Variants in CPM observed in about 807,000 individuals in gnomAD.
CPM encodes carboxypeptidase M.
In CPM, 35 loss-of-function variants were observed where a neutral mutation model predicts 46.4. The observed-to-expected ratio is 0.75, with a 90% CI of 0.58 to 1.00. The LOEUF is 1.00. Ranked by LOEUF, CPM falls within the 50% of genes least tolerant of loss-of-function variation. The pLI is 0.00. For missense variants in CPM, 422 were observed against 530.4 expected, an observed-to-expected ratio of 0.80 and a Z score of 2.01; for synonymous variants, 195 against 195.3, an observed-to-expected ratio of 1.00 and a Z score of 0.01.
chr12:68,910,656 AT>A (rs1275086028), intron 2 of CPM, among the ~76,000 whole-genome samples: 1 of 152,214 alleles, frequency 6.6e-6, no homozygotes, highest in Non-Finnish European at 1.5e-5. Context: ...TTTTTTTAAA[AT>A]ATGGCAAAAC....
chr12:68,911,607 C>T (rs1887597117), intron 2 of CPM, among the ~76,000 whole-genome samples: 1 of 152,186 alleles, frequency 6.6e-6, no homozygotes, highest in Non-Finnish European at 1.5e-5. Context: ...AAACACAAAG[C>T]ATATGGCAGG....
At chr12:68,917,267 C>T (rs1210842966) in intron 2 of CPM, among the ~76,000 whole-genome samples, 1 of 152,124 alleles carries the variant, frequency 6.6e-6, no homozygotes, top group Non-Finnish European at 1.5e-5. Flanking sequence ...GTCATATTCT[C>T]GCACACAGCT....
At chr12:68,905,832 T>C (rs916448193) in intron 2 of CPM, among the ~76,000 whole-genome samples, 6 of 152,168 alleles carry the variant, frequency 3.9e-5, no homozygotes, top group African/African-American at 1.4e-4. Context: ...AGTCCCTGTG[T>C]CCACCCACCA....
chr12:68,873,211 G>A (rs974892002), intron 3 of CPM, among the ~76,000 whole-genome samples: 1 of 152,168 alleles, frequency 6.6e-6, no homozygotes, highest in African/African-American at 2.4e-5. Context: ...AGATTTCATG[G>A]AGCCTCAGAA....
chr12:68,869,580 G>A (rs375986708), intron 5 of CPM, 85 bp from the exon 6 acceptor site: 11 of 1,203,034 alleles, frequency 9.1e-6, no homozygotes, highest in African/African-American at 6.1e-5. Context: ...AGACATAATC[G>A]CATCACACAC....
At chr12:68,876,905 T>C (rs925716224) in intron 3 of CPM, among the ~76,000 whole-genome samples, 11 of 119,574 alleles carry the variant, frequency 9.2e-5, no homozygotes, top group African/African-American at 3.0e-4. Context: ...TGTGTGTGTG[T>C]GTGTGTGTGT....
At chr12:68,846,101 C>T (rs1884275985) in intron 5 of CPM, 1 of 152,084 alleles carries the variant, frequency 6.6e-6, no homozygotes, top group Admixed American at 6.6e-5. Flanking sequence ...TAGGTGCTCG[C>T]CAACCACACC....
At chr12:68,950,682 T>C (rs1460638343) in intron 1 of CPM, among the ~76,000 whole-genome samples, 2 of 152,206 alleles carry the variant, frequency 1.3e-5, no homozygotes, top group Non-Finnish European at 2.9e-5. Flanking sequence ...CCAGCCCTTA[T>C]AGAGCCTGCC....
intron 7 of CPM, among the ~76,000 whole-genome samples, chr12:68,864,118 TAG>T (rs1885326651): frequency 6.6e-6 from 1 of 152,252 alleles, no homozygotes; most frequent in Non-Finnish European, 1.5e-5. Flanking sequence ...CATCTGATTA[TAG>T]AGACAGGCAG....
intron 2 of CPM, among the ~76,000 whole-genome samples, chr12:68,910,822 A>C (rs2136291908): frequency 6.6e-6 from 1 of 152,306 alleles, no homozygotes; most frequent in East Asian, 1.9e-4. Flanking sequence ...TGATTCTATA[A>C]GATAGAAAGC....
At chr12:68,949,855 C>G (rs1888907428) in intron 1 of CPM, among the ~76,000 whole-genome samples, 1 of 152,202 alleles carries the variant, frequency 6.6e-6, no homozygotes, top group Admixed American at 6.5e-5. Context: ...ATTTCATAAT[C>G]AGTGTTGCAT....
chr12:68,928,820 G>A (rs1179720929), intron 2 of CPM, among the ~76,000 whole-genome samples: 7 of 151,450 alleles, frequency 4.6e-5, no homozygotes, highest in Non-Finnish European at 8.8e-5. Flanking sequence ...GCCCACTGCA[G>A]CCTTGAACTC....
chr12:68,941,179 G>A (rs1288483559), intron 1 of CPM, among the ~76,000 whole-genome samples: 7 of 148,478 alleles, frequency 4.7e-5, no homozygotes, highest in Non-Finnish European at 1.1e-4. Context: ...ACGTGTGTGT[G>A]TGTGTGTGTG....
intron 1 of CPM, among the ~76,000 whole-genome samples, chr12:68,962,780 G>A (rs571053384): frequency 1.8e-4 from 28 of 152,294 alleles, no homozygotes; most frequent in African/African-American, 6.7e-4. Flanking sequence ...GGCTTAACCT[G>A]CACGATAAAA....
chr12:68,930,168 C>A (rs549710182), intron 2 of CPM, among the ~76,000 whole-genome samples: 3 of 152,214 alleles, frequency 2.0e-5, no homozygotes, highest in African/African-American at 7.2e-5. Context: ...GCAACCTCTG[C>A]CTCCTGGGTT....
rs1215821885 is a variant in CPM, at chr12:68,856,214, T to G, written c.*223A>C. 1 of 545,250 alleles carries G rather than the reference T, an allele frequency of 1.8e-6. No homozygotes were observed. The highest frequency in any genetic ancestry group is 1.9e-5 in the African/African-American group (1 of 53,290). The allele number at this position is 545,250 out of a possible 1,614,324, so 33.8% of individuals were successfully genotyped here. ...AATTTGAGTGTAAATGAGCAGTACT[T>G]GTTAGGTAAGTGTCTTCCATTCACC... On this transcript the variant is annotated 3_prime_UTR_variant, in exon 9 of 9. Coordinates refer to ENST00000551568, the MANE Select transcript of CPM (RefSeq NM_198320.5).
chr12:68,867,655 T>A (rs1162683632), intron 6 of CPM, among the ~76,000 whole-genome samples: 1 of 151,960 alleles, frequency 6.6e-6, no homozygotes, highest in Non-Finnish European at 1.5e-5. Context: ...GACACTGGAG[T>A]GCAGGCCACC....
chr12:68,957,277 A>G (rs1889036125), intron 1 of CPM: 1 of 153,788 alleles, frequency 6.5e-6, no homozygotes, highest in African/African-American at 2.4e-5. Flanking sequence ...CCTGTATTCC[A>G]GAAATGGTGT....
chr12:68,895,717 C>T (rs546256669), intron 2 of CPM, among the ~76,000 whole-genome samples: 3 of 152,214 alleles, frequency 2.0e-5, no homozygotes, highest in Non-Finnish European at 2.9e-5. Flanking sequence ...CAGTGGCTCA[C>T]GCCTGTAATC....
Sources: gnomAD v4.1 joint callset for allele counts (sites outside exome capture counted in the v4.1 genomes callset) on GRCh38, gnomAD v4.1.1 for gene constraint, MANE v1.5 for transcripts, NCBI Gene and HGNC (gene_info 2026-07-23, HGNC 2026-07-21) for gene names.